The following DGKK variants were observed in gnomAD, a reference collection of about 807,000 sequenced individuals.
DGKK encodes the protein diacylglycerol kinase kappa, also known as 142 kDa diacylglycerol kinase.
A neutral mutation model predicts 92.2 loss-of-function variants in DGKK; 35 were observed. The ratio of observed to expected loss-of-function variants is 0.38; its 90% CI spans 0.29 to 0.50. DGKK has a LOEUF of 0.50. DGKK is among the 20% of genes least tolerant of loss of function. The probability of loss-of-function intolerance (pLI) is 0.92; values close to 1 mark genes in which losing one functional copy is unlikely to be tolerated. For synonymous variants in DGKK, 368 were observed against 360.6 expected (o/e 1.02, Z -0.23); for missense variants, 910 against 992.2 (o/e 0.92, Z 1.11).
At chrX:50,375,727 C>A (rs1557223750) in intron 24 of DGKK, among the ~76,000 whole-genome samples, 1 of 111,382 alleles carries the variant, frequency 9.0e-6, no homozygotes, top group African/African-American at 3.3e-5. Context: ...AAGGAAGGGC[C>A]AAGTACAAGT....
chrX:50,402,598 C>T (rs5961137), intron 7 of DGKK, among the ~76,000 whole-genome samples: 36,282 of 109,840 alleles, frequency 0.33, 4,484 homozygotes, highest in Admixed American at 0.44. Context: ...CAATGAGGCC[C>T]GGTTTAGGCT....
In DGKK at chrX:50,429,673, C is replaced by A. The variant is rs782397155; in HGVS notation, c.646-5315G>T. Among the ~76,000 whole-genome samples the A allele has an allele frequency of 1.0e-3, 117 of 112,348 alleles. 1 individual carries two copies. The highest frequency in any genetic ancestry group is 4.4e-3 in the South Asian group (12 of 2,703). ...CACTGCACTCCAGCCTGGAAGACAG[C>A]GCAAGACTCCGTCACACACACAAAA... On this transcript the variant is annotated intron_variant, in intron 1 of 27. Transcript: ENST00000611977.
chrX:50,373,984 A>G (rs1395428669), intron 25 of DGKK, among the ~76,000 whole-genome samples: 1 of 112,091 alleles, frequency 8.9e-6, no homozygotes, highest in African/African-American at 3.2e-5. Context: ...GGTACTTAAT[A>G]TACAACACCC....
At chrX:50,369,791 T>C (rs1286552135) in intron 27 of DGKK, among the ~76,000 whole-genome samples, 1 of 111,663 alleles carries the variant, frequency 9.0e-6, no homozygotes, top group Non-Finnish European at 1.9e-5. Context: ...CTTGAACTCC[T>C]GGGCTCAAAC....
chrX:50,437,892 G>A (rs1197128032), intron 1 of DGKK, among the ~76,000 whole-genome samples: 1 of 111,057 alleles, frequency 9.0e-6, no homozygotes, highest in Non-Finnish European at 1.9e-5. Flanking sequence ...CTGAGATTGT[G>A]CCCTAATCCA....
Position 50,470,709 on chromosome X carries a change from T to A in DGKK, c.-31A>T, listed in dbSNP as rs1927057172. ...CACACCGCTTCAGGTCTGGGCAGCC[T>A]GAGTCCCTAAGCCTGGAAGGCTAAA... On this transcript the variant is annotated 5_prime_UTR_variant, in exon 1 of 28. Transcript: ENST00000611977. The A allele has an allele frequency of 9.2e-7, 1 of 1,088,098 alleles. No homozygotes were observed. Among genetic ancestry groups the A allele is most frequent in the Non-Finnish European group, 1.2e-6 (1 of 842,535 alleles). The allele number at this position is 1,088,098 out of a possible 1,213,427, so 89.7% of individuals were successfully genotyped here. A position where few individuals can be genotyped will look rare whatever the true frequency, so the allele number is the denominator to read the frequency against.
intron 1 of DGKK, among the ~76,000 whole-genome samples, chrX:50,457,241 C>T (rs1926631774): frequency 1.8e-5 from 2 of 111,379 alleles, no homozygotes; most frequent in African/African-American, 6.5e-5. Flanking sequence ...AACACCTATA[C>T]CACAATCCTG....
At position 50,374,879 on chromosome X, in the gene DGKK, C is replaced by T. The variant is rs782438391; in HGVS notation, c.3501+92G>A. ...CAAGCACCTGGCCAAAATGCTCCCACGGGTCTCCAGTGCCCTTGGACCAAG... is the reference window on the plus strand; with the variant it reads ...CAAGCACCTGGCCAAAATGCTCCCATGGGTCTCCAGTGCCCTTGGACCAAG... On this transcript the variant is annotated intron_variant, in intron 25 of 27. Coordinates refer to ENST00000611977, the MANE Select transcript of DGKK (RefSeq NM_001013742.4). 1,410 of 782,542 alleles carry T rather than the reference C, an allele frequency of 1.8e-3. 3 individuals are homozygous for T. The highest frequency in any genetic ancestry group is 2.4e-3 in the Non-Finnish European group (1,263 of 532,907). 64.5% of individuals were successfully genotyped at this position (782,542 alleles called of 1,213,427 possible). A position where few individuals can be genotyped will look rare whatever the true frequency, so the allele number is the denominator to read the frequency against.
intron 1 of DGKK, among the ~76,000 whole-genome samples, chrX:50,460,142 T>C (rs1353146868): frequency 8.9e-6 from 1 of 111,924 alleles, no homozygotes; most frequent in African/African-American, 3.2e-5. Flanking sequence ...TTCAGGACAG[T>C]GAGGGCTCAA....
intron 26 of DGKK, 106 bp downstream of exon 26, chrX:50,371,618 T>C (rs1320945302): frequency 1.8e-6 from 1 of 552,027 alleles, no homozygotes; most frequent in Non-Finnish European, 2.9e-6. Context: ...AAGCCAGCAC[T>C]GGACCCCCTG....
chrX:50,405,110 T>C (rs1925115263), intron 4 of DGKK, among the ~76,000 whole-genome samples: 1 of 112,344 alleles, frequency 8.9e-6, no homozygotes, highest in African/African-American at 3.2e-5. Flanking sequence ...GCATTTGAGA[T>C]ATAGTGAACA....
At chrX:50,383,589 A>G (rs1924463890) in intron 17 of DGKK, among the ~76,000 whole-genome samples, 1 of 111,861 alleles carries the variant, frequency 8.9e-6, no homozygotes, top group East Asian at 2.8e-4. Flanking sequence ...CTCTCACATG[A>G]GATTTGCCTC....
chrX:50,383,411 G>A (rs1243798034), intron 17 of DGKK, among the ~76,000 whole-genome samples: 1 of 111,546 alleles, frequency 9.0e-6, no homozygotes, highest in Non-Finnish European at 1.9e-5. Context: ...GTGAAGTGTG[G>A]GGGCAAGAAT....
chrX:50,368,067 C>T lies in DGKK; in HGVS notation c.*873G>A, dbSNP rs1924016063. ...TTTTCAGCTCTTAAAAATATATATG[C>T]GTATGTATATATATATACATCTTTA... On this transcript the variant is annotated 3_prime_UTR_variant, in exon 28 of 28. Transcript: ENST00000611977. 1 of 110,347 alleles carries T rather than the reference C, an allele frequency of 9.1e-6. No homozygotes were observed. The highest frequency in any genetic ancestry group is 4.0e-4 in the South Asian group (1 of 2,499). The allele number at this position is 110,347 out of a possible 1,213,427, so 9.1% of individuals were successfully genotyped here. A position where few individuals can be genotyped will look rare whatever the true frequency, so the allele number is the denominator to read the frequency against.
At chrX:50,445,118 C>T (rs1926260829) in intron 1 of DGKK, among the ~76,000 whole-genome samples, 1 of 96,822 alleles carries the variant, frequency 1.0e-5, no homozygotes, top group East Asian at 3.1e-4. Flanking sequence ...TATCCTTTGC[C>T]CACTTTTTTT....
intron 2 of DGKK, 64 bp downstream of exon 2, chrX:50,424,184 C>T (rs782134570): frequency 2.0e-6 from 2 of 1,022,343 alleles, no homozygotes; most frequent in Non-Finnish European, 2.7e-6. Context: ...ATTAGTCCAT[C>T]TTCCCACACA....
At chrX:50,375,512 T>C (rs782454418) in intron 24 of DGKK, among the ~76,000 whole-genome samples, 10 of 111,796 alleles carry the variant, frequency 8.9e-5, no homozygotes, top group Non-Finnish European at 1.5e-4. Context: ...GACACAATTA[T>C]ATCTTTCGCC....
intron 4 of DGKK, among the ~76,000 whole-genome samples, chrX:50,409,937 C>G (rs1197804301): frequency 1.8e-5 from 2 of 111,126 alleles, no homozygotes; most frequent in African/African-American, 6.5e-5. Context: ...GTCTATGAAC[C>G]AGGAAGTGGG....
At position 50,365,810 on chromosome X, in the gene DGKK, G is replaced by A. The variant is rs909894705; in HGVS notation, c.*3130C>T. On this transcript the variant is annotated 3_prime_UTR_variant, in exon 28 of 28. Coordinates refer to ENST00000611977, the MANE Select transcript of DGKK (RefSeq NM_001013742.4). ...CATTTGTGTCCTGAGGGAAGATGAC[G>A]TTGACCCTGACTGTTTCTTCTGGCC... is the stretch of plus-strand genomic sequence containing the variant. The A allele has an allele frequency of 4.5e-5, 5 of 111,790 alleles. No individual in the cohort carries two copies. Among genetic ancestry groups the A allele is most frequent in the African/African-American group, 1.6e-4 (5 of 30,711 alleles). The allele number at this position is 111,790 out of a possible 1,213,427, so 9.2% of individuals were successfully genotyped here.
Sources: allele counts gnomAD v4.1 joint callset (sites outside exome capture counted in the v4.1 genomes callset), GRCh38; gene constraint gnomAD v4.1.1; transcripts MANE v1.5; gene names NCBI Gene and HGNC (gene_info 2026-07-23, HGNC 2026-07-21).